Variants in AGGF1 observed in about 807,000 individuals in gnomAD.
AGGF1 encodes the protein angiogenic factor with G patch and FHA domains 1.
A neutral mutation model predicts 86.5 loss-of-function variants in AGGF1; 56 were observed. The ratio of observed to expected loss-of-function variants is 0.65; its 90% CI spans 0.52 to 0.81. The LOEUF (loss-of-function observed/expected upper bound fraction) is 0.81. Among genes scored for constraint, AGGF1 ranks in the 30% least tolerant of loss-of-function variants. The pLI is 0.00. For missense variants in AGGF1, 816 were observed against 850.9 expected, an observed-to-expected ratio of 0.96 and a Z score of 0.51; for synonymous variants, 313 against 297.1, an observed-to-expected ratio of 1.05 and a Z score of -0.55.
chr5:77,034,685 T>C (rs533110191), intron 2 of AGGF1, among the ~76,000 whole-genome samples, 165 bp downstream of exon 2: 2 of 152,244 alleles, frequency 1.3e-5, no homozygotes, highest in African/African-American at 2.4e-5. Flanking sequence ...ATCAATTTGT[T>C]CTTCTGGAGG....
At chr5:77,041,585 AAG>A (rs1491524415) in intron 5 of AGGF1, among the ~76,000 whole-genome samples, 9 of 138,602 alleles carry the variant, frequency 6.5e-5, no homozygotes, top group South Asian at 4.4e-4. Context: ...AAAAAAAAAA[AAG>A]AAGAAGGCTA....
intron 9 of AGGF1, 44 bp from the exon 10 acceptor site, chr5:77,053,921 A>C: frequency 6.3e-7 from 1 of 1,589,344 alleles, no homozygotes; most frequent in Non-Finnish European, 8.6e-7. Flanking sequence ...GGTAACCATA[A>C]GTGATTGTTT....
intron 8 of AGGF1, 136 bp from the exon 9 acceptor site, chr5:77,052,568 TTG>T (rs1184181144): frequency 1.5e-5 from 9 of 610,596 alleles, no homozygotes; most frequent in Non-Finnish European, 2.6e-5. Flanking sequence ...ATATAATAGT[TTG>T]TGTTTCTAAA....
chr5:77,062,641 G>A (rs1472121811), intron 13 of AGGF1, among the ~76,000 whole-genome samples: 1 of 152,144 alleles, frequency 6.6e-6, no homozygotes, highest in Non-Finnish European at 1.5e-5. Flanking sequence ...CTCCTGTTAT[G>A]AAAACAATCA....
rs1037479949 is a variant in AGGF1, at chr5:77,036,847, T to C, written c.681+127T>C. On this transcript the variant is annotated intron_variant, in intron 4 of 13. Coordinates refer to ENST00000312916, the MANE Select transcript of AGGF1 (RefSeq NM_018046.5). Reference sequence around the variant, plus strand: ...TCACCCCCCAGGTTCAAGTGATTCTTATGTCTCAGCATCCCAAGTAGCTGG... The same window carrying C: ...TCACCCCCCAGGTTCAAGTGATTCTCATGTCTCAGCATCCCAAGTAGCTGG... The C allele has an allele frequency of 1.2e-5, 12 of 1,026,662 alleles. No homozygotes were observed. In the African/African-American group the frequency reaches 1.7e-4, roughly 15 times the overall value. The allele number at this position is 1,026,662 out of a possible 1,614,324, so 63.6% of individuals were successfully genotyped here.
chr5:77,058,444 G>T (rs932855899), intron 11 of AGGF1, among the ~76,000 whole-genome samples: 1 of 152,098 alleles, frequency 6.6e-6, no homozygotes, highest in Non-Finnish European at 1.5e-5. Context: ...CTGTCAAATT[G>T]TATCTTTCGT....
At chr5:77,034,050 A>G (rs1356704131) in intron 1 of AGGF1, among the ~76,000 whole-genome samples, 2 of 152,246 alleles carry the variant, frequency 1.3e-5, no homozygotes, top group Admixed American at 6.5e-5. Context: ...GGAGAATACC[A>G]AATGAGTATT....
Position 77,048,273 on chromosome 5 carries a change from G to A in AGGF1, c.1313+1G>A. On this transcript the variant is annotated splice_donor_variant, in intron 7 of 13. Coordinates refer to ENST00000312916, the MANE Select transcript of AGGF1 (RefSeq NM_018046.5). LOFTEE classifies it high-confidence loss of function. ...CTGTAAACCCTGCTACAATTGGAAG[G>A]TAAAATGGTTAATATTATTATATCA... 1.9e-6 allele frequency: 3 copies of A among 1,574,966 alleles called. No homozygotes were observed. Among genetic ancestry groups the A allele is most frequent in the Non-Finnish European group, 2.6e-6 (3 of 1,144,966 alleles).
chr5:77,057,539 T>A (rs1463337417), intron 11 of AGGF1, among the ~76,000 whole-genome samples: 1 of 152,240 alleles, frequency 6.6e-6, no homozygotes, highest in Non-Finnish European at 1.5e-5. Flanking sequence ...TATTCACTGG[T>A]TTCCAACTTG....
chr5:77,042,750 C>T lies in AGGF1; in HGVS notation c.870+3031C>T, dbSNP rs1391190505. On this transcript the variant is annotated intron_variant, in intron 5 of 13. Coordinates refer to ENST00000312916, the MANE Select transcript of AGGF1 (RefSeq NM_018046.5). ...TCACCTCCCGGACGGGGCGGCTGGCCGGGCAGGGGGGCTGACCCCCCCCAC... is the reference window on the plus strand; with the variant it reads ...TCACCTCCCGGACGGGGCGGCTGGCTGGGCAGGGGGGCTGACCCCCCCCAC... Among the ~76,000 whole-genome samples the T allele has an allele frequency of 7.8e-4, 31 of 39,570 alleles. 2 individuals carry two copies. The highest frequency in any genetic ancestry group is 1.8e-3 in the Admixed American group (7 of 3,962). The allele number at this position is 39,570 out of a possible 152,430, so 26.0% of individuals were successfully genotyped here. A position where few individuals can be genotyped will look rare whatever the true frequency, so the allele number is the denominator to read the frequency against.
At chr5:77,042,489 G>T (rs1361562770) in intron 5 of AGGF1, among the ~76,000 whole-genome samples, 2 of 55,906 alleles carry the variant, frequency 3.6e-5, no homozygotes, top group African/African-American at 5.1e-5. Flanking sequence ...CCGGGCGGGG[G>T]GCTGACCCCC....
At chr5:77,052,866 A>T in intron 9 of AGGF1, 59 bp downstream of exon 9, 1 of 1,326,892 alleles carries the variant, frequency 7.5e-7, no homozygotes, top group Non-Finnish European at 1.1e-6. Context: ...ATTTTTTTTT[A>T]TTTCTGAAGG....
chr5:77,032,252 TAAAAA>T lies in AGGF1; in HGVS notation c.210+1294_210+1298del, dbSNP rs35068401. Among the ~76,000 whole-genome samples, 398 of 107,860 alleles carry T rather than the reference TAAAAA, an allele frequency of 3.7e-3. 5 individuals are homozygous for T. Among genetic ancestry groups the T allele is most frequent in the South Asian group, 0.037 (123 of 3,342 alleles). The allele number at this position is 107,860 out of a possible 152,430, so 70.8% of individuals were successfully genotyped here. ...CTATGCTAGGAAAATACAAATATGG[TAAAAA>T]AAAAAAAAAAAAAAAAACAGGGAGA... On this transcript the variant is annotated intron_variant, in intron 1 of 13. Coordinates refer to ENST00000312916, the MANE Select transcript of AGGF1 (RefSeq NM_018046.5).
chr5:77,058,905 C>A (rs1264723561), intron 11 of AGGF1, among the ~76,000 whole-genome samples: 1 of 152,182 alleles, frequency 6.6e-6, no homozygotes, highest in African/African-American at 2.4e-5. Flanking sequence ...CATTCCATTA[C>A]CTAGCATGGA....
At chr5:77,036,786 G>A in intron 4 of AGGF1, 66 bp downstream of exon 4, 3 of 1,534,152 alleles carry the variant, frequency 2.0e-6, no homozygotes, top group African/African-American at 1.4e-5. Context: ...CACCCCGGCT[G>A]GAGTGCAGTG....
At chr5:77,040,539 TAAA>T (rs1170587745) in intron 5 of AGGF1, among the ~76,000 whole-genome samples, 1 of 152,150 alleles carries the variant, frequency 6.6e-6, no homozygotes, top group African/African-American at 2.4e-5. Flanking sequence ...ACATTTAATT[TAAA>T]AAAGTATTAT....
chr5:77,038,746 G>A (rs1163481322), intron 4 of AGGF1, among the ~76,000 whole-genome samples: 8 of 152,192 alleles, frequency 5.3e-5, no homozygotes, highest in Non-Finnish European at 8.8e-5. Context: ...AGATGTTTCC[G>A]GGTCTGGTCT....
rs1031354869 is a variant in AGGF1, at chr5:77,064,547, G to A, written c.*1295G>A. On this transcript the variant is annotated 3_prime_UTR_variant, in exon 14 of 14. Coordinates refer to ENST00000312916, the MANE Select transcript of AGGF1 (RefSeq NM_018046.5). ...GGAGAAACTATGACTAAAGATGAGA[G>A]GTATGAACGAGTTGTCAGGTTCCTA... is the stretch of plus-strand genomic sequence containing the variant. 1 of 152,184 alleles carries A rather than the reference G, an allele frequency of 6.6e-6. No homozygotes were observed. Among genetic ancestry groups the A allele is most frequent in the Non-Finnish European group, 1.5e-5 (1 of 68,042 alleles). The allele number at this position is 152,184 out of a possible 1,614,324, so 9.4% of individuals were successfully genotyped here.
At position 77,039,613 on chromosome 5, in the gene AGGF1, G is replaced by C. The variant is rs914424358; in HGVS notation, c.764G>C (p.Arg255Pro). ...VESGRYQFHS[R>P]VDLQPYPTSS... ...AGTGGTCGTTATCAGTTTCATTCTCGAGTAGATTTGCAACCTTATCCGACT... is the reference window on the plus strand; with the variant it reads ...AGTGGTCGTTATCAGTTTCATTCTCCAGTAGATTTGCAACCTTATCCGACT... The change falls in exon 5 of 14, where the codon CGA becomes CCA. Residue 255 changes from arginine to proline, a missense_variant. Around this residue, in one of 3 missense-constraint regions of AGGF1, gnomAD observed 565 missense variants for 585.8 expected, o/e 0.96. Transcript: ENST00000312916. The C allele has an allele frequency of 6.2e-7, 1 of 1,613,016 alleles. No homozygotes were observed. Among genetic ancestry groups the C allele is most frequent in the Non-Finnish European group, 8.5e-7 (1 of 1,179,450 alleles).
Sources: gnomAD v4.1 joint callset for allele counts (sites outside exome capture counted in the v4.1 genomes callset) on GRCh38, gnomAD v4.1.1 for gene constraint, gnomAD v4.1.1 regional missense constraint, MANE v1.5 for transcripts, NCBI Gene and HGNC (gene_info 2026-07-23, HGNC 2026-07-21) for gene names.